Variants in SLC38A6 observed in about 807,000 individuals in gnomAD.
SLC38A6 encodes N system amino acid transporter NAT-1.
Under a neutral mutation model 65.0 loss-of-function variants are expected in SLC38A6, and 73 were observed. The observed-to-expected ratio is 1.12, with a 90% CI of 0.93 to 1.37. The LOEUF is 1.37. SLC38A6 is among the 40% of genes most tolerant of loss of function. The pLI, the probability that SLC38A6 is intolerant of heterozygous loss-of-function variation, is 0.00. For synonymous variants in SLC38A6, 183 were observed against 178.8 expected (o/e 1.02, Z -0.19); for missense variants, 561 against 531.1 (o/e 1.06, Z -0.55).
At chr14:61,010,700 C>T (rs987866774) in intron 3 of SLC38A6, among the ~76,000 whole-genome samples, 4 of 152,028 alleles carry the variant, frequency 2.6e-5, no homozygotes, top group African/African-American at 9.7e-5. Context: ...TGTAGATATG[C>T]GACATTATTT....
chr14:61,053,069 T>A (rs942769953), downstream of SLC38A6: 2 of 152,128 alleles, frequency 1.3e-5, no homozygotes, highest in East Asian at 3.8e-4. Flanking sequence ...GTTGTTTTTT[T>A]CTTTGTGTTC....
In SLC38A6 at chr14:61,045,328, CTT is replaced by C. The variant is rs931512680; in HGVS notation, c.745-16_745-15del. ...AGAGTGGCATTTAATAATTTTGTCT[CTT>C]TAAAATTTTTTTCAGAGTGCTTATG... On this transcript the variant is annotated splice_polypyrimidine_tract_variant and intron_variant, in intron 10 of 15. Coordinates refer to ENST00000267488, the MANE Select transcript of SLC38A6 (RefSeq NM_153811.3). 1.3e-6 allele frequency: 2 copies of C among 1,586,886 alleles called. No homozygotes were observed. The highest frequency in any genetic ancestry group is 1.3e-5 in the African/African-American group (1 of 74,146).
chr14:60,991,452 G>T (rs1188913975), intron 3 of SLC38A6, among the ~76,000 whole-genome samples: 1 of 152,084 alleles, frequency 6.6e-6, no homozygotes, highest in Non-Finnish European at 1.5e-5. Flanking sequence ...GGTAACTGTG[G>T]CACAGAGAGG....
At chr14:61,015,121 T>C (rs2039902537) in intron 3 of SLC38A6, among the ~76,000 whole-genome samples, 1 of 152,208 alleles carries the variant, frequency 6.6e-6, no homozygotes, top group Admixed American at 6.5e-5. Context: ...CCTTGCAGTT[T>C]GATCTCAGAC....
rs755183680 is a variant in SLC38A6, at chr14:61,050,556, T to C, written c.970T>C (p.Ser324Pro). 20 of 1,589,584 alleles carry C rather than the reference T, an allele frequency of 1.3e-5. No individual in the cohort carries two copies. The highest frequency in any genetic ancestry group is 1.7e-5 in the Non-Finnish European group (20 of 1,162,174). The stretch of plus-strand genomic sequence containing the variant: ...ACTAAAAGGTTATAGTAAATACTTA[T>C]CACATGATGTTGTTGTCATGACTGT... Reference protein sequence around the residue: ...ELLKGYSKYLSHDVVVMTVKL... With the variant: ...ELLKGYSKYLPHDVVVMTVKL... Residue 324 changes from serine to proline, a missense_variant, in exon 13 of 16, where the codon TCA becomes CCA. By Grantham distance (74) the Ser-to-Pro change is moderately conservative. Transcript: ENST00000267488.
chr14:61,051,073 G>C (rs1202724843), intron 13 of SLC38A6, among the ~76,000 whole-genome samples: 3 of 152,230 alleles, frequency 2.0e-5, no homozygotes, highest in African/African-American at 7.2e-5. Flanking sequence ...TATTTTATTT[G>C]CTCTAGAATT....
At chr14:60,987,574 A>G (rs1301019088) in intron 3 of SLC38A6, 1 of 152,264 alleles carries the variant, frequency 6.6e-6, no homozygotes, top group Admixed American at 6.5e-5. Context: ...GAAATAAAAT[A>G]ATGTATATGA....
At chr14:61,013,480 T>G (rs1056255994) in intron 3 of SLC38A6, among the ~76,000 whole-genome samples, 1 of 152,182 alleles carries the variant, frequency 6.6e-6, no homozygotes, top group Non-Finnish European at 1.5e-5. Flanking sequence ...TTCCTAGCCT[T>G]GATGGTCTTC....
chr14:61,018,498 T>C (rs2040156005), intron 4 of SLC38A6, among the ~76,000 whole-genome samples: 1 of 152,186 alleles, frequency 6.6e-6, no homozygotes, highest in South Asian at 2.1e-4. Context: ...GTGCCACTGA[T>C]AGAATTCCTA....
intron 8 of SLC38A6, among the ~76,000 whole-genome samples, chr14:61,040,870 C>T (rs1566693113): frequency 6.6e-6 from 1 of 152,112 alleles, no homozygotes; most frequent in African/African-American, 2.4e-5. Flanking sequence ...GGAAATTTAA[C>T]CTGGACACTA....
chr14:61,081,908 A>G (rs1223808054), intron 16 of SLC38A6, among the ~76,000 whole-genome samples: 2 of 152,182 alleles, frequency 1.3e-5, no homozygotes, highest in African/African-American at 2.4e-5. Flanking sequence ...CCACTGGGGT[A>G]GGCTGTGTAG....
intron 3 of SLC38A6, among the ~76,000 whole-genome samples, chr14:61,011,541 T>C (rs1414724611): frequency 6.6e-6 from 1 of 152,130 alleles, no homozygotes; most frequent in African/African-American, 2.4e-5. Flanking sequence ...TCTTATTATT[T>C]TGAGATACGT....
intron 3 of SLC38A6, 51 bp from the exon 4 acceptor site, chr14:61,015,853 G>A (rs770359077): frequency 1.4e-6 from 2 of 1,441,438 alleles, no homozygotes; most frequent in South Asian, 2.5e-5. Context: ...TTTAGGACCT[G>A]ACACATAAAT....
At chr14:61,011,277 T>A (rs1462776142) in intron 3 of SLC38A6, among the ~76,000 whole-genome samples, 2 of 152,222 alleles carry the variant, frequency 1.3e-5, no homozygotes, top group Non-Finnish European at 2.9e-5. Context: ...AAGGAGATTT[T>A]GGGCCGAGAT....
downstream of SLC38A6, among the ~76,000 whole-genome samples, chr14:61,054,531 G>T (rs942036169): frequency 2.6e-5 from 4 of 152,056 alleles, no homozygotes; most frequent in Non-Finnish European, 5.9e-5. Context: ...TCATTTGTTT[G>T]TGTCTTCTCT....
intron 16 of SLC38A6, among the ~76,000 whole-genome samples, chr14:61,079,903 G>A (rs1404517286): frequency 3.9e-5 from 6 of 152,112 alleles, no homozygotes; most frequent in African/African-American, 1.4e-4. Context: ...CCTGTCTTTG[G>A]CTTCTGCTCC....
intron 5 of SLC38A6, 146 bp from the exon 6 acceptor site, chr14:61,030,299 G>A (rs2040889682): frequency 2.0e-6 from 1 of 495,668 alleles, no homozygotes; most frequent in Non-Finnish European, 3.6e-6. Flanking sequence ...GTGTGTGTGT[G>A]TATGTATCTT....
At chr14:61,045,729 CA>C (rs931392500) in intron 11 of SLC38A6, among the ~76,000 whole-genome samples, 1 of 151,320 alleles carries the variant, frequency 6.6e-6, no homozygotes. Context: ...ACTAAAAATA[CA>C]AAAAAAATAG....
At chr14:60,996,201 TAAAGA>T (rs1267610146) in intron 3 of SLC38A6, among the ~76,000 whole-genome samples, 2 of 152,016 alleles carry the variant, frequency 1.3e-5, no homozygotes, top group African/African-American at 2.4e-5. Flanking sequence ...CTAAAATTAT[TAAAGA>T]AAACACAAGG....
Sources: allele counts gnomAD v4.1 joint callset (sites outside exome capture counted in the v4.1 genomes callset), GRCh38; gene constraint gnomAD v4.1.1; transcripts MANE v1.5; gene names NCBI Gene and HGNC (gene_info 2026-07-23, HGNC 2026-07-21).